COG5: variants seen among roughly 807,000 people sequenced by gnomAD.
COG5 encodes the protein component of oligomeric golgi complex 5.
COG5 carries 86 observed loss-of-function variants against 110.4 expected under a neutral mutation model. The ratio of observed to expected loss-of-function variants is 0.78; its 90% CI spans 0.65 to 0.93. COG5 has a LOEUF of 0.93. COG5 is among the 40% of genes least tolerant of loss of function. The pLI is 0.00. For missense variants in COG5, 1,077 were observed against 987.0 expected (o/e 1.09, Z -1.22); for synonymous variants, 360 against 334.6 (o/e 1.08, Z -0.83).
intron 6 of COG5, among the ~76,000 whole-genome samples, chr7:107,478,412 C>T (rs1797116720): frequency 6.6e-6 from 1 of 151,924 alleles, no homozygotes; most frequent in South Asian, 2.1e-4. Context: ...CTCCCCTTAT[C>T]CATGGTTTTA....
intron 14 of COG5, among the ~76,000 whole-genome samples, chr7:107,273,245 C>T (rs1271338755): frequency 3.3e-5 from 5 of 152,054 alleles, no homozygotes; most frequent in Middle Eastern, 3.2e-3. Context: ...CCTATAGTGG[C>T]CCTGGGCAGT....
Position 107,558,092 on chromosome 7 carries a change from C to A in COG5, c.118G>T (p.Glu40Ter), listed in dbSNP as rs781059953. Residue 40 changes from glutamate to a stop codon, truncating the protein, a stop_gained, in exon 2 of 22, where the codon GAA becomes TAA. Coordinates refer to ENST00000297135, the MANE Select transcript of COG5 (RefSeq NM_006348.5). LOFTEE classifies it high-confidence loss of function. ...QDGCYSDFLN[E>*]DFDVKTYTSQ... is the part of the protein sequence containing the mutation. ...GTATAAGTCTTTACATCAAAGTCTT[C>A]GTTTAAAAAGTCACTATAACACCCT... is the stretch of plus-strand genomic sequence containing the variant. The A allele has an allele frequency of 1.2e-6, 2 of 1,613,664 alleles. No individual in the cohort carries two copies. The highest frequency in any genetic ancestry group is 1.1e-5 in the South Asian group (1 of 91,062).
At chr7:107,442,086 T>C (rs569517724) in intron 6 of COG5, among the ~76,000 whole-genome samples, 2 of 152,326 alleles carry the variant, frequency 1.3e-5, no homozygotes, top group African/African-American at 4.8e-5. Context: ...TGAATTGTCA[T>C]CTTCAATGTT....
At chr7:107,335,942 C>T (rs1245925465) in intron 10 of COG5, among the ~76,000 whole-genome samples, 1 of 151,940 alleles carries the variant, frequency 6.6e-6, no homozygotes, top group East Asian at 1.9e-4. Flanking sequence ...TATGTATGCA[C>T]CCAATATTGA....
rs1412338737 is a variant in COG5, at chr7:107,512,280, T to A, written c.538+14957A>T. 5.3e-5 allele frequency among the ~76,000 whole-genome samples: 8 copies of A among 152,154 alleles called. 2 individuals are homozygous for A. The highest frequency in any genetic ancestry group is 1.9e-4 in the African/African-American group (8 of 41,510). The stretch of plus-strand genomic sequence containing the variant: ...GACAAACAGAGAGCCAAATCATGAG[T>A]GAACTCCCATTCACAATTGCTTCAA... On this transcript the variant is annotated intron_variant, in intron 6 of 21. Transcript: ENST00000297135.
intron 6 of COG5, among the ~76,000 whole-genome samples, chr7:107,478,115 A>T (rs1255715256): frequency 6.6e-6 from 1 of 151,908 alleles, no homozygotes; most frequent in African/African-American, 2.4e-5. Context: ...AGAAGCCCTT[A>T]GTAGCCCTTA....
At position 107,361,995 on chromosome 7, in the gene COG5, T is replaced by C. The variant is rs1208208034; in HGVS notation, c.1026+38A>G. The C allele has an allele frequency of 6.5e-6, 9 of 1,388,608 alleles. No homozygotes were observed. In the African/African-American group the frequency reaches 1.3e-4, roughly 20 times the overall value. 86.0% of individuals were successfully genotyped at this position (1,388,608 alleles called of 1,614,324 possible). ...TGCTGACTCATATATTCCTGTTTTG[T>C]ACAAGAAAGATGTAAAAATATTTTC... On this transcript the variant is annotated intron_variant, in intron 10 of 21. Transcript: ENST00000297135.
intron 6 of COG5, among the ~76,000 whole-genome samples, chr7:107,421,852 A>G (rs1236040926): frequency 2.0e-5 from 3 of 152,214 alleles, no homozygotes; most frequent in African/African-American, 7.2e-5. Flanking sequence ...ATTTTTAAAT[A>G]ATCAAGGGAT....
At chr7:107,356,681 G>A (rs1812649538) in intron 10 of COG5, among the ~76,000 whole-genome samples, 1 of 151,960 alleles carries the variant, frequency 6.6e-6, no homozygotes, top group Non-Finnish European at 1.5e-5. Flanking sequence ...ATACTTGCTA[G>A]TAATGATTGC....
intron 11 of COG5, among the ~76,000 whole-genome samples, chr7:107,321,689 C>T (rs1809303053): frequency 6.6e-6 from 1 of 151,982 alleles, no homozygotes; most frequent in African/African-American, 2.4e-5. Flanking sequence ...TGTTTTGGAG[C>T]CATATGTTCT....
At chr7:107,211,331 A>C (rs1256652966) in intron 19 of COG5, 106 bp from the exon 20 acceptor site, 10 of 1,294,552 alleles carry the variant, frequency 7.7e-6, no homozygotes, top group Non-Finnish European at 1.1e-5. Context: ...TAGATTGGCT[A>C]CTGAAGGAGC....
rs750560282 is a variant in COG5 at position 107,475,229 on chromosome 7, T to C, written c.538+52008A>G. On this transcript the variant is annotated intron_variant, in intron 6 of 21. Transcript: ENST00000297135. ...ATGAAAAAGCGAGTTGTTTCTATAG[T>C]AGAAGCTGATCCCCTGCCTAATAAT... The C allele has an allele frequency of 3.7e-6, 6 of 1,610,738 alleles. No individual in the cohort carries two copies. In the Admixed American group the frequency reaches 6.7e-5, roughly 18 times the overall value.
chr7:107,320,944 A>G lies in COG5; in HGVS notation c.1108+3496T>C, dbSNP rs532158714. 3.3e-5 allele frequency among the ~76,000 whole-genome samples: 5 copies of G among 152,200 alleles called. No homozygotes were observed. The South Asian group carries it at 8.3e-4, about 25-fold the overall frequency. ...AAAGTTAAAACAGGACTTCTTCTAC[A>G]CCCCCACCTCCCAGTAATGATTACC... On this transcript the variant is annotated intron_variant, in intron 11 of 21. Coordinates refer to ENST00000297135, the MANE Select transcript of COG5 (RefSeq NM_006348.5).
At chr7:107,239,994 C>CT (rs770037074) in intron 17 of COG5, among the ~76,000 whole-genome samples, 1 of 152,208 alleles carries the variant, frequency 6.6e-6, no homozygotes, top group Non-Finnish European at 1.5e-5. Context: ...TCATCTATCA[C>CT]TTTAATAATG....
chr7:107,278,426 C>T (rs1018306586), intron 14 of COG5, among the ~76,000 whole-genome samples: 2 of 152,130 alleles, frequency 1.3e-5, no homozygotes. Flanking sequence ...CCCCTACCTC[C>T]CACCCGCCAA....
chr7:107,543,290 C>T (rs1191293538), intron 5 of COG5, among the ~76,000 whole-genome samples: 5 of 152,162 alleles, frequency 3.3e-5, no homozygotes, highest in African/African-American at 1.2e-4. Flanking sequence ...ACATTACCTG[C>T]GTCCCCCAAC....
intron 20 of COG5, 76 bp from the exon 21 acceptor site, chr7:107,210,681 G>T: frequency 6.9e-7 from 1 of 1,453,970 alleles, no homozygotes; most frequent in Non-Finnish European, 9.4e-7. Flanking sequence ...GGTTCGAAAA[G>T]CACTCTCAAG....
intron 5 of COG5, among the ~76,000 whole-genome samples, chr7:107,547,237 T>C (rs564125090): frequency 6.6e-6 from 1 of 152,224 alleles, no homozygotes; most frequent in East Asian, 1.9e-4. Context: ...AATCAATAAA[T>C]GATATACCAC....
At chr7:107,475,236 T>C in intron 6 of COG5, 1 of 1,609,580 alleles carries the variant, frequency 6.2e-7, no homozygotes. Flanking sequence ...TAGTAGAAGC[T>C]GATCCCCTGC....
Sources: gnomAD v4.1 joint callset for allele counts (sites outside exome capture counted in the v4.1 genomes callset) on GRCh38, gnomAD v4.1.1 for gene constraint, MANE v1.5 for transcripts, NCBI Gene and HGNC (gene_info 2026-07-23, HGNC 2026-07-21) for gene names.